HIRA: variants seen among roughly 807,000 people sequenced by gnomAD.
The protein encoded by HIRA is protein HIRA.
HIRA carries 13 observed loss-of-function variants against 126.6 expected under a neutral mutation model. The observed-to-expected ratio is 0.10, with a 90% CI of 0.07 to 0.16. The LOEUF (loss-of-function observed/expected upper bound fraction) is 0.16. Among genes scored for constraint, HIRA ranks in the 10% least tolerant of loss-of-function variants. HIRA has a pLI of 1.00. For missense variants in HIRA, 834 were observed against 1,314.4 expected (o/e 0.63, Z 5.65); for synonymous variants, 511 against 520.0 (o/e 0.98, Z 0.24).
rs2088819643 is a variant in HIRA, at chr22:19,357,068, G to A, written c.2235-17C>T. The A allele has an allele frequency of 1.2e-6, 2 of 1,613,576 alleles. No individual in the cohort carries two copies. The highest frequency in any genetic ancestry group is 1.3e-5 in the African/African-American group (1 of 75,060). ...ACCACGTCACTGAGAAGGCAGAGTG[G>A]GGGCAGGTGTCATGGGGGCTGAGTG... On this transcript the variant is annotated splice_polypyrimidine_tract_variant and intron_variant, in intron 18 of 24. Coordinates refer to ENST00000263208, the MANE Select transcript of HIRA (RefSeq NM_003325.4).
chr22:19,354,082 C>G lies in HIRA; in HGVS notation c.2598G>C (p.Gln866His). The change falls in exon 22 of 25, where the codon CAG becomes CAC. Residue 866 changes from glutamine (Q) to histidine (H), a missense_variant. By Grantham distance (24) the Gln-to-His change is conservative (BLOSUM62 0). Coordinates refer to ENST00000263208, the MANE Select transcript of HIRA (RefSeq NM_003325.4). ...GCAGGCTGCTCCTAAAGTCTGCACA[C>G]TGAGCCAGTGAGTCCTGCTTGTCAG... is the stretch of plus-strand genomic sequence containing the variant. The part of the protein sequence containing the change: ...LVSDKQDSLA[Q>H]CADFRSSLPS... 6.2e-7 allele frequency: 1 copy of G among 1,613,228 alleles called. No individual in the cohort carries two copies. The highest frequency in any genetic ancestry group is 1.3e-5 in the African/African-American group (1 of 75,030).
chr22:19,426,831 T>C (rs5748202), intron 1 of HIRA, among the ~76,000 whole-genome samples: 6,123 of 152,266 alleles, frequency 0.04, 267 homozygotes, highest in East Asian at 0.13. Context: ...AGGAGAGAAA[T>C]TGCTGAGAGA....
chr22:19,374,320 G>C (rs1295264733), intron 15 of HIRA, among the ~76,000 whole-genome samples: 1 of 151,502 alleles, frequency 6.6e-6, no homozygotes, highest in Non-Finnish European at 1.5e-5. Context: ...ACAACACCTG[G>C]ATAATTTTTC....
Position 19,331,113 on chromosome 22 carries a change from G to A in HIRA, c.*327C>T, listed in dbSNP as rs1281070348. 4.0e-6 allele frequency: 5 copies of A among 1,253,956 alleles called. No individual in the cohort carries two copies. In the African/African-American group the frequency reaches 4.6e-5, roughly 12 times the overall value. 77.7% of individuals were successfully genotyped at this position (1,253,956 alleles called of 1,614,324 possible). A position where few individuals can be genotyped will look rare whatever the true frequency, so the allele number is the denominator to read the frequency against. ...AAGCAGCATGGTGCCTGCAGCAGCA[G>A]GGGCTAGTGTCCACCTTGGGGCCGT... is the stretch of plus-strand genomic sequence containing the variant. On this transcript the variant is annotated 3_prime_UTR_variant, in exon 25 of 25. Coordinates refer to ENST00000263208, the MANE Select transcript of HIRA (RefSeq NM_003325.4).
At position 19,331,280 on chromosome 22, in the gene HIRA, C is replaced by A; in HGVS notation, c.*160G>T. On this transcript the variant is annotated 3_prime_UTR_variant, in exon 25 of 25. Coordinates refer to ENST00000263208, the MANE Select transcript of HIRA (RefSeq NM_003325.4). Reference sequence around the variant, plus strand: ...AATGTCAGACCCAGGACACAGGGCACATCTGCCCAGGGAGCTGGGCTGGCG... The same window carrying A: ...AATGTCAGACCCAGGACACAGGGCAAATCTGCCCAGGGAGCTGGGCTGGCG... 1 of 1,558,750 alleles carries A rather than the reference C, an allele frequency of 6.4e-7. No homozygotes were observed. The highest frequency in any genetic ancestry group is 1.1e-5 in the South Asian group (1 of 87,164).
intron 15 of HIRA, among the ~76,000 whole-genome samples, chr22:19,366,357 G>A (rs774240171): frequency 2.2e-4 from 34 of 152,168 alleles, no homozygotes; most frequent in African/African-American, 6.5e-4. Context: ...GCGAGACTCC[G>A]TCTCAAAAAA....
At chr22:19,332,156 G>A (rs1381840874) in intron 24 of HIRA, among the ~76,000 whole-genome samples, 1 of 152,194 alleles carries the variant, frequency 6.6e-6, no homozygotes, top group Non-Finnish European at 1.5e-5. Context: ...CTGCTGCACA[G>A]ACCAAAAGAG....
At chr22:19,424,743 G>T (rs1461182040) in intron 1 of HIRA, among the ~76,000 whole-genome samples, 1 of 152,136 alleles carries the variant, frequency 6.6e-6, no homozygotes, top group Non-Finnish European at 1.5e-5. Context: ...GTGCCAGGGG[G>T]TCACCTCATC....
intron 7 of HIRA, among the ~76,000 whole-genome samples, chr22:19,395,741 T>C (rs994285628): frequency 6.6e-6 from 1 of 152,184 alleles, no homozygotes; most frequent in Admixed American, 6.5e-5. Context: ...TCCATTATCA[T>C]GCAACTAATG....
intron 1 of HIRA, among the ~76,000 whole-genome samples, chr22:19,415,320 A>C (rs2089387307): frequency 6.6e-6 from 1 of 152,254 alleles, no homozygotes; most frequent in Non-Finnish European, 1.5e-5. Context: ...TAAGAAAACA[A>C]TTCAATTTAC....
chr22:19,345,576 T>C (rs571074063), intron 24 of HIRA, among the ~76,000 whole-genome samples: 11 of 152,288 alleles, frequency 7.2e-5, no homozygotes, highest in African/African-American at 2.4e-4. Flanking sequence ...GGTTTCAGGA[T>C]AAAACTGTTC....
chr22:19,378,174 G>A (rs865868680), intron 13 of HIRA, 108 bp from the exon 14 acceptor site: 1 of 750,642 alleles, frequency 1.3e-6, no homozygotes, highest in African/African-American at 1.8e-5. Flanking sequence ...ATGTTTTCAT[G>A]ATAGAAAATC....
chr22:19,429,056 A>G (rs1383571669), intron 1 of HIRA, among the ~76,000 whole-genome samples: 1 of 151,278 alleles, frequency 6.6e-6, no homozygotes, highest in Non-Finnish European at 1.5e-5. Context: ...ACATTCCATG[A>G]GATTTTAAAA....
intron 17 of HIRA, among the ~76,000 whole-genome samples, chr22:19,360,099 G>T (rs1339524990): frequency 6.6e-6 from 1 of 152,192 alleles, no homozygotes; most frequent in Non-Finnish European, 1.5e-5. Flanking sequence ...ACACGCGTGT[G>T]TGGGGAGCTG....
intron 13 of HIRA, among the ~76,000 whole-genome samples, chr22:19,382,853 G>A (rs1345757735): frequency 6.6e-6 from 1 of 151,406 alleles, no homozygotes; most frequent in Non-Finnish European, 1.5e-5. Flanking sequence ...ATATACACTG[G>A]GACAACAGCA....
chr22:19,343,878 A>AG, intron 24 of HIRA, among the ~76,000 whole-genome samples: 1 of 79,468 alleles, frequency 1.3e-5, no homozygotes, highest in South Asian at 4.9e-4. Context: ...GTGAGGGGAA[A>AG]AAAAAAAAAG....
rs558774913 is a variant in HIRA, at chr22:19,419,619, C to T, written c.38-8841G>A. On this transcript the variant is annotated intron_variant, in intron 1 of 24. Transcript: ENST00000263208. ...TACTCTGCCCACTAGAATGTAAACT[C>T]CAGTAAGTAGATCAGCTCTTTTGTC... is the stretch of plus-strand genomic sequence containing the variant. 9.9e-5 allele frequency among the ~76,000 whole-genome samples: 15 copies of T among 152,210 alleles called. 1 individual carries two copies. Among genetic ancestry groups the T allele is most frequent in the Admixed American group, 7.9e-4 (12 of 15,278 alleles).
At position 19,331,209 on chromosome 22, in the gene HIRA, C is replaced by T. The variant is rs573457702; in HGVS notation, c.*231G>A. ...CTGGGCAGAGCTCCAGCCCTAGCTC[C>T]GCATCGGGGGCTTGGAGGGAGGGAT... On this transcript the variant is annotated 3_prime_UTR_variant, in exon 25 of 25. Coordinates refer to ENST00000263208, the MANE Select transcript of HIRA (RefSeq NM_003325.4). 1.8e-5 allele frequency: 26 copies of T among 1,447,170 alleles called. No individual in the cohort carries two copies. The highest frequency in any genetic ancestry group is 1.9e-4 in the Middle Eastern group (1 of 5,286). 89.6% of individuals were successfully genotyped at this position (1,447,170 alleles called of 1,614,324 possible).
rs200950966 is a variant in HIRA, at chr22:19,372,571, A to AT, written c.1775+3059dup. 6.8e-3 allele frequency among the ~76,000 whole-genome samples: 930 copies of AT among 136,064 alleles called. 1 individual carries two copies. The highest frequency in any genetic ancestry group is 0.015 in the Middle Eastern group (4 of 268). The allele number at this position is 136,064 out of a possible 152,430, so 89.3% of individuals were successfully genotyped here. On this transcript the variant is annotated intron_variant, in intron 15 of 24. Coordinates refer to ENST00000263208, the MANE Select transcript of HIRA (RefSeq NM_003325.4). ...TGCTTTGGAAGCAAAAAAGCTTTTAATTTTTTTTTTTTTTTTTTGAGATGG... is the reference window on the plus strand; with the variant it reads ...TGCTTTGGAAGCAAAAAAGCTTTTAATTTTTTTTTTTTTTTTTTTGAGATGG...
Sources: allele counts gnomAD v4.1 joint callset (sites outside exome capture counted in the v4.1 genomes callset), GRCh38; gene constraint gnomAD v4.1.1; transcripts MANE v1.5; gene names NCBI Gene and HGNC (gene_info 2026-07-23, HGNC 2026-07-21).